CTNNA3: variants seen among roughly 807,000 people sequenced by gnomAD.
CTNNA3 encodes the protein catenin alpha 3.
Under a neutral mutation model 95.7 loss-of-function variants are expected in CTNNA3, and 76 were observed. The ratio of observed to expected loss-of-function variants is 0.79; its 90% CI spans 0.66 to 0.96. CTNNA3 has a LOEUF of 0.96. Ranked by LOEUF, CTNNA3 falls within the 40% of genes least tolerant of loss-of-function variation. CTNNA3 has a pLI of 0.00. For missense variants in CTNNA3, 1,191 were observed against 1,089.8 expected, an observed-to-expected ratio of 1.09 and a Z score of -1.31; for synonymous variants, 431 against 374.4, an observed-to-expected ratio of 1.15 and a Z score of -1.74.
At chr10:67,651,001 C>T (rs970510685) in intron 1 of CTNNA3, among the ~76,000 whole-genome samples, 10 of 151,962 alleles carry the variant, frequency 6.6e-5, no homozygotes, top group African/African-American at 2.2e-4. Context: ...CACTCTAGAG[C>T]TCAGGCTCCT....
At chr10:66,113,811 A>G (rs1446059712) in intron 13 of CTNNA3, among the ~76,000 whole-genome samples, 1 of 152,220 alleles carries the variant, frequency 6.6e-6, no homozygotes, top group East Asian at 1.9e-4. Context: ...GAAATTAGAA[A>G]CAGCTTTTTA....
chr10:66,728,965 T>TA (rs1848865545), intron 9 of CTNNA3, among the ~76,000 whole-genome samples: 2 of 152,216 alleles, frequency 1.3e-5, no homozygotes, highest in South Asian at 4.1e-4. Context: ...ATTTTCTGCA[T>TA]ATGACTAGCC....
chr10:65,963,494 G>A (rs1589184320), intron 17 of CTNNA3, among the ~76,000 whole-genome samples: 1 of 152,160 alleles, frequency 6.6e-6, no homozygotes, highest in South Asian at 2.1e-4. Context: ...TCTCTTGCCT[G>A]CTCTGCACAT....
chr10:67,425,484 T>C (rs1261641348), intron 5 of CTNNA3, among the ~76,000 whole-genome samples: 1 of 152,064 alleles, frequency 6.6e-6, no homozygotes, highest in Admixed American at 6.6e-5. Context: ...CATTCTTGGT[T>C]CTGCAGAACT....
intron 1 of CTNNA3, among the ~76,000 whole-genome samples, chr10:67,659,124 A>G (rs1840108292): frequency 6.6e-6 from 1 of 152,192 alleles, no homozygotes; most frequent in African/African-American, 2.4e-5. Context: ...AAAAAAAATT[A>G]CTTTAACCAA....
intron 3 of CTNNA3, among the ~76,000 whole-genome samples, chr10:67,605,101 A>G (rs1843218657): frequency 6.6e-6 from 1 of 152,182 alleles, no homozygotes; most frequent in African/African-American, 2.4e-5. Flanking sequence ...TATTCACTGT[A>G]TCATTATTCA....
intron 11 of CTNNA3, among the ~76,000 whole-genome samples, chr10:66,467,232 CT>C (rs1486316991): frequency 2.0e-5 from 3 of 151,998 alleles, no homozygotes; most frequent in Non-Finnish European, 4.4e-5. Context: ...TGACTGGGCC[CT>C]TTGGTGTGCA....
chr10:67,582,996 G>T (rs1589452904), intron 3 of CTNNA3, among the ~76,000 whole-genome samples: 1 of 152,020 alleles, frequency 6.6e-6, no homozygotes, highest in Non-Finnish European at 1.5e-5. Context: ...ACACTGATGG[G>T]TCTTGACTCT....
intron 9 of CTNNA3, among the ~76,000 whole-genome samples, chr10:66,703,205 G>T (rs1190817986): frequency 6.6e-6 from 1 of 152,094 alleles, no homozygotes. Flanking sequence ...GGTTGTGCCA[G>T]GAGTGTACTA....
chr10:67,383,047 A>G (rs1056401803), intron 5 of CTNNA3, among the ~76,000 whole-genome samples: 1 of 152,186 alleles, frequency 6.6e-6, no homozygotes, highest in Admixed American at 6.5e-5. Context: ...ACATCACTCC[A>G]TAAGTTGTTA....
chr10:67,280,499 G>A (rs1476865179), intron 5 of CTNNA3, among the ~76,000 whole-genome samples: 1 of 151,890 alleles, frequency 6.6e-6, no homozygotes, highest in African/African-American at 2.4e-5. Flanking sequence ...GAGTTCATTG[G>A]GCAAAAAGAA....
chr10:67,608,520 A>G (rs185012457), intron 2 of CTNNA3, among the ~76,000 whole-genome samples: 1 of 152,322 alleles, frequency 6.6e-6, no homozygotes, highest in East Asian at 1.9e-4. Flanking sequence ...AACTTGAACA[A>G]ACTCCTCACC....
At chr10:66,125,561 A>G (rs1460677626) in intron 13 of CTNNA3, among the ~76,000 whole-genome samples, 1 of 152,198 alleles carries the variant, frequency 6.6e-6, no homozygotes, top group East Asian at 1.9e-4. Context: ...CAACAGAGGT[A>G]ATTCATAGAA....
intron 11 of CTNNA3, among the ~76,000 whole-genome samples, chr10:66,446,235 T>C (rs1421380526): frequency 6.6e-6 from 1 of 152,166 alleles, no homozygotes; most frequent in East Asian, 1.9e-4. Context: ...AGCGGATTTC[T>C]ACCAAAGATA....
Position 66,148,154 on chromosome 10 carries a change from A to G in CTNNA3, c.1885-44905T>C, listed in dbSNP as rs1305813155. The stretch of plus-strand genomic sequence containing the variant: ...ATCATTTGCTTTTCTTAGTATTTTC[A>G]GGAGCTTGTCATATATTATGGGCAT... On this transcript the variant is annotated intron_variant, in intron 13 of 17. Transcript: ENST00000433211. Among the ~76,000 whole-genome samples, 4 of 151,842 alleles carry G rather than the reference A, an allele frequency of 2.6e-5. No individual in the cohort carries two copies. In the Admixed American group the frequency reaches 2.6e-4, roughly 10 times the overall value.
chr10:67,545,301 A>G (rs1043305821), intron 3 of CTNNA3, among the ~76,000 whole-genome samples: 3 of 152,152 alleles, frequency 2.0e-5, no homozygotes, highest in African/African-American at 7.2e-5. Flanking sequence ...TCTCTAGATT[A>G]ATAAACTTTT....
At chr10:67,286,281 G>C (rs1037590818) in intron 5 of CTNNA3, among the ~76,000 whole-genome samples, 1 of 152,136 alleles carries the variant, frequency 6.6e-6, no homozygotes, top group Non-Finnish European at 1.5e-5. Flanking sequence ...TTCAATCTAT[G>C]ACTAAATAAT....
intron 13 of CTNNA3, among the ~76,000 whole-genome samples, chr10:66,235,055 C>T (rs1316515587): frequency 6.6e-6 from 1 of 152,200 alleles, no homozygotes; most frequent in Non-Finnish European, 1.5e-5. Context: ...TCGAAGCAGA[C>T]CTTTCGCTTG....
At chr10:66,216,236 T>C (rs1037987) in intron 13 of CTNNA3, among the ~76,000 whole-genome samples, 150,140 of 152,368 alleles carry the variant, frequency 0.99, 73,995 homozygotes, top group South Asian at 1. Context: ...TTCAATCCGA[T>C]CTTTGTATGT....
Sources: allele counts gnomAD v4.1 joint callset (sites outside exome capture counted in the v4.1 genomes callset), GRCh38; gene constraint gnomAD v4.1.1; transcripts MANE v1.5; gene names NCBI Gene and HGNC (gene_info 2026-07-23, HGNC 2026-07-21).